The following XKR4 variants were observed in gnomAD, a reference collection of about 807,000 sequenced individuals.
XKR4 encodes the protein XK-related protein 4.
A neutral mutation model predicts 53.9 loss-of-function variants in XKR4; 12 were observed. The ratio of observed to expected loss-of-function variants is 0.22; its 90% confidence interval spans 0.14 to 0.36. The LOEUF is 0.36. Ranked by LOEUF, XKR4 falls within the 10% of genes least tolerant of loss-of-function variation. XKR4 has a pLI of 1.00. For synonymous variants in XKR4, 354 were observed against 362.4 expected (o/e 0.98, Z 0.26); for missense variants, 799 against 859.5 (o/e 0.93, Z 0.88).
chr8:55,539,452 T>C lies in XKR4; in HGVS notation c.*15225T>C, dbSNP rs1207900957. Reference sequence around the variant, plus strand: ...AAGATACGCACTCAATATAATCTCTTCTGGATTCTAAAATCTAATTGGCAG... The same window carrying C: ...AAGATACGCACTCAATATAATCTCTCCTGGATTCTAAAATCTAATTGGCAG... On this transcript the variant is annotated 3_prime_UTR_variant, in exon 3 of 3. Coordinates refer to ENST00000327381, the MANE Select transcript of XKR4 (RefSeq NM_052898.2). 1 of 152,200 alleles carries C rather than the reference T, an allele frequency of 6.6e-6. No individual in the cohort carries two copies. Among genetic ancestry groups the C allele is most frequent in the Non-Finnish European group, 1.5e-5 (1 of 68,028 alleles). 9.4% of individuals were successfully genotyped at this position (152,200 alleles called of 1,614,324 possible).
chr8:55,336,424 A>C (rs1803462873), intron 1 of XKR4, among the ~76,000 whole-genome samples: 1 of 152,198 alleles, frequency 6.6e-6, no homozygotes, highest in African/African-American at 2.4e-5. Context: ...CTTTATCAGC[A>C]ACATGAAAAC....
chr8:55,224,391 G>A (rs925350836), intron 1 of XKR4, among the ~76,000 whole-genome samples: 7 of 152,126 alleles, frequency 4.6e-5, no homozygotes, highest in African/African-American at 1.7e-4. Context: ...ATTTGCAAAC[G>A]GATATATTAA....
chr8:55,253,600 T>C (rs1159842581), intron 1 of XKR4, among the ~76,000 whole-genome samples: 3 of 152,230 alleles, frequency 2.0e-5, no homozygotes, highest in Non-Finnish European at 4.4e-5. Flanking sequence ...TATGATGAAC[T>C]TTAATGCAGG....
intron 1 of XKR4, among the ~76,000 whole-genome samples, chr8:55,265,799 T>C (rs528056570): frequency 6.6e-6 from 1 of 151,280 alleles, no homozygotes; most frequent in Non-Finnish European, 1.5e-5. Flanking sequence ...GTCAACATGG[T>C]GAAACCATGT....
At chr8:55,137,452 TTTTAGGGATTA>T (rs1816646859) in intron 1 of XKR4, among the ~76,000 whole-genome samples, 1 of 152,200 alleles carries the variant, frequency 6.6e-6, no homozygotes, top group African/African-American at 2.4e-5. Context: ...CCTCAAGGTC[TTTTAGGGATTA>T]TTATATAATT....
rs1411823411 is a variant in XKR4, at chr8:55,454,235, G to T, written c.1007-69046G>T. 7.8e-6 allele frequency: 9 copies of T among 1,149,832 alleles called. No individual in the cohort carries two copies. The South Asian group carries it at 1.1e-4, about 14-fold the overall frequency. The allele number at this position is 1,149,832 out of a possible 1,614,324, so 71.2% of individuals were successfully genotyped here. A position where few individuals can be genotyped will look rare whatever the true frequency, so the allele number is the denominator to read the frequency against. ...GTGCACACACTCAGGGATGGTCACC[G>T]TCTCTCCATCCAGATCAGCTACAAT... is the stretch of plus-strand genomic sequence containing the variant. On this transcript the variant is annotated intron_variant, in intron 2 of 2. Transcript: ENST00000327381.
intron 2 of XKR4, among the ~76,000 whole-genome samples, chr8:55,464,301 G>A (rs928482932): frequency 1.3e-5 from 2 of 152,082 alleles, no homozygotes; most frequent in South Asian, 2.1e-4. Context: ...CTTCATCCCT[G>A]GGATGCAAGG....
At chr8:55,474,414 A>C (rs1805944161) in intron 2 of XKR4, among the ~76,000 whole-genome samples, 1 of 152,190 alleles carries the variant, frequency 6.6e-6, no homozygotes, top group South Asian at 2.1e-4. Context: ...AACTCTCTAC[A>C]TATTTGTATA....
chr8:55,289,547 AGG>A (rs1818952474), intron 1 of XKR4, among the ~76,000 whole-genome samples: 1 of 27,840 alleles, frequency 3.6e-5, no homozygotes. Flanking sequence ...GAAAGAAGGA[AGG>A]AAGGAAGGAA....
intron 2 of XKR4, among the ~76,000 whole-genome samples, chr8:55,410,977 G>A (rs770667717): frequency 3.3e-5 from 5 of 152,108 alleles, no homozygotes; most frequent in East Asian, 1.9e-4. Flanking sequence ...TTCTTCACTC[G>A]TGCCTCTGCC....
At chr8:55,456,204 G>A (rs1024131721) in intron 2 of XKR4, among the ~76,000 whole-genome samples, 6 of 152,156 alleles carry the variant, frequency 3.9e-5, no homozygotes, top group African/African-American at 1.4e-4. Context: ...GGCCAAGGCG[G>A]GCGGATCACC....
chr8:55,319,727 A>T (rs1302021919), intron 1 of XKR4, among the ~76,000 whole-genome samples: 1 of 152,226 alleles, frequency 6.6e-6, no homozygotes, highest in East Asian at 1.9e-4. Context: ...CATTAGGCAA[A>T]AGCTATTTTC....
At chr8:55,507,270 T>A (rs976521615) in intron 2 of XKR4, among the ~76,000 whole-genome samples, 1 of 152,216 alleles carries the variant, frequency 6.6e-6, no homozygotes, top group African/African-American at 2.4e-5. Flanking sequence ...TTTAATACTA[T>A]CAAAGCACCC....
chr8:55,141,346 C>A (rs768290510), intron 1 of XKR4, among the ~76,000 whole-genome samples: 2 of 152,148 alleles, frequency 1.3e-5, no homozygotes, highest in South Asian at 4.1e-4. Context: ...CCCTCCCGTG[C>A]CCCTCAACTG....
chr8:55,144,452 C>T lies in XKR4; in HGVS notation c.806+41158C>T, dbSNP rs548269795. Among the ~76,000 whole-genome samples the T allele has an allele frequency of 3.3e-5, 5 of 152,172 alleles. No individual in the cohort carries two copies. The South Asian group carries it at 1.0e-3, about 32-fold the overall frequency. ...ATAGTGCTTGAAACCCAGGGAAAAC[C>T]CATTTAAAGAGAGCCGTCTGCAGCT... is the stretch of plus-strand genomic sequence containing the variant. On this transcript the variant is annotated intron_variant, in intron 1 of 2. Transcript: ENST00000327381.
At chr8:55,235,562 T>C (rs1818107893) in intron 1 of XKR4, among the ~76,000 whole-genome samples, 1 of 152,256 alleles carries the variant, frequency 6.6e-6, no homozygotes, top group Non-Finnish European at 1.5e-5. Flanking sequence ...TAAATATGTT[T>C]GTTTTTATTT....
chr8:55,389,829 A>G (rs772017755), intron 2 of XKR4, among the ~76,000 whole-genome samples: 29 of 152,058 alleles, frequency 1.9e-4, no homozygotes, highest in Admixed American at 4.6e-4. Context: ...AGTTACTGCT[A>G]TTTTCAGGTA....
At chr8:55,400,687 A>G (rs925307271) in intron 2 of XKR4, among the ~76,000 whole-genome samples, 1 of 152,188 alleles carries the variant, frequency 6.6e-6, no homozygotes, top group Admixed American at 6.5e-5. Flanking sequence ...CCCACAGGGA[A>G]TGAAAAGCTC....
intron 1 of XKR4, among the ~76,000 whole-genome samples, chr8:55,278,721 C>G (rs1361529040): frequency 6.6e-6 from 1 of 152,126 alleles, no homozygotes; most frequent in Non-Finnish European, 1.5e-5. Context: ...CTCAACATCA[C>G]AAAGTACAAT....
Sources: gnomAD v4.1 joint callset for allele counts (sites outside exome capture counted in the v4.1 genomes callset) on GRCh38, gnomAD v4.1.1 for gene constraint, MANE v1.5 for transcripts, NCBI Gene and HGNC (gene_info 2026-07-23, HGNC 2026-07-21) for gene names.